Variants in GALNT18 observed in about 807,000 individuals in gnomAD.
GALNT18 encodes the protein GalNAc-transferase 18.
In GALNT18, 44 loss-of-function variants were observed where a neutral mutation model predicts 69.5. The observed-to-expected ratio is 0.63, with a 90% CI of 0.50 to 0.81. The LOEUF (loss-of-function observed/expected upper bound fraction) is 0.81, where lower values mean the gene tolerates loss of function less well. Among genes scored for constraint, GALNT18 ranks in the 40% least tolerant of loss-of-function variants. GALNT18 has a pLI of 0.00. For synonymous variants in GALNT18, 364 were observed against 318.2 expected, an observed-to-expected ratio of 1.14 and a Z score of -1.53; for missense variants, 715 against 810.0, an observed-to-expected ratio of 0.88 and a Z score of 1.42.
Position 11,616,356 on chromosome 11 carries a change from T to C in GALNT18, c.235+5003A>G, listed in dbSNP as rs2133972215. Reference sequence around the variant, plus strand: ...ATGACTTTGGTACAATAAGACACTGTTGGTGGCTGTAAAGAAAGCCTTTCC... The same window carrying C: ...ATGACTTTGGTACAATAAGACACTGCTGGTGGCTGTAAAGAAAGCCTTTCC... On this transcript the variant is annotated intron_variant, in intron 1 of 10. Coordinates refer to ENST00000227756, the MANE Select transcript of GALNT18 (RefSeq NM_198516.3). This position sits in a 1 kb window ranked among gnomAD's most constrained non-coding sequence, Gnocchi z 4.4. Among the ~76,000 whole-genome samples the C allele has an allele frequency of 6.6e-6, 1 of 152,322 alleles. No homozygotes were observed. Among genetic ancestry groups the C allele is most frequent in the African/African-American group, 2.4e-5 (1 of 41,584 alleles).
At chr11:11,370,601 A>C (rs939120871) in intron 6 of GALNT18, among the ~76,000 whole-genome samples, 3 of 148,806 alleles carry the variant, frequency 2.0e-5, no homozygotes, top group Admixed American at 6.6e-5. Flanking sequence ...AAAAAAAAAA[A>C]CCAGATATCA....
rs1304316664 is a variant in GALNT18 at position 11,413,512 on chromosome 11, A to C, written c.595+19109T>G. Reference sequence around the variant, plus strand: ...GGCCCCTTAACAACATTAGACTGCAATTTCAGGTTTATATAATTTGGTGCT... The same window carrying C: ...GGCCCCTTAACAACATTAGACTGCACTTTCAGGTTTATATAATTTGGTGCT... On this transcript the variant is annotated intron_variant, in intron 3 of 10. Coordinates refer to ENST00000227756, the MANE Select transcript of GALNT18 (RefSeq NM_198516.3). The surrounding 1 kb of genome is among the most constrained non-coding windows in gnomAD (Gnocchi z 4.7). Among the ~76,000 whole-genome samples, 3 of 152,128 alleles carry C rather than the reference A, an allele frequency of 2.0e-5. No individual in the cohort carries two copies. The East Asian group carries it at 5.8e-4, about 29-fold the overall frequency.
At chr11:11,504,329 G>C (rs903099416) in intron 1 of GALNT18, among the ~76,000 whole-genome samples, 3 of 152,114 alleles carry the variant, frequency 2.0e-5, no homozygotes, top group Non-Finnish European at 4.4e-5. Flanking sequence ...AGGTAATTCT[G>C]TCCCTCTGGA....
Position 11,594,936 on chromosome 11 carries a change from T to A in GALNT18, c.235+26423A>T, listed in dbSNP as rs186957073. Among the ~76,000 whole-genome samples, 31 of 147,984 alleles carry A rather than the reference T, an allele frequency of 2.1e-4. No homozygotes were observed. The East Asian group carries it at 5.9e-3, about 28-fold the overall frequency. ...ATATGCGTGTGTGTATATATATATATAATCTCCAAGAATGTATATGTGTAT... is the reference window on the plus strand; with the variant it reads ...ATATGCGTGTGTGTATATATATATAAAATCTCCAAGAATGTATATGTGTAT... On this transcript the variant is annotated intron_variant, in intron 1 of 10. Transcript: ENST00000227756.
rs891919004 is a variant in GALNT18 at position 11,598,336 on chromosome 11, G to A, written c.235+23023C>T. On this transcript the variant is annotated intron_variant, in intron 1 of 10. Transcript: ENST00000227756. This position sits in a 1 kb window ranked among gnomAD's most constrained non-coding sequence, Gnocchi z 4.8. ...CAGAAGTCCAAAATTAGTCTTACTCGAGGCAAAATCAAGGTGTCAGCAGGG... is the reference window on the plus strand; with the variant it reads ...CAGAAGTCCAAAATTAGTCTTACTCAAGGCAAAATCAAGGTGTCAGCAGGG... Among the ~76,000 whole-genome samples, 3 of 152,050 alleles carry A rather than the reference G, an allele frequency of 2.0e-5. No homozygotes were observed. The highest frequency in any genetic ancestry group is 2.9e-5 in the Non-Finnish European group (2 of 67,990).
chr11:11,531,319 G>A (rs1294515558), intron 1 of GALNT18, among the ~76,000 whole-genome samples: 1 of 152,284 alleles, frequency 6.6e-6, no homozygotes, highest in African/African-American at 2.4e-5. Context: ...GCAGACATGT[G>A]GGAGGGGCTT....
intron 9 of GALNT18, among the ~76,000 whole-genome samples, chr11:11,319,089 T>G (rs1456374166): frequency 1.5e-5 from 2 of 135,994 alleles, no homozygotes; most frequent in African/African-American, 6.4e-5. Flanking sequence ...ACTCAGTACT[T>G]GCTTAACCGT....
At chr11:11,279,030 G>T (rs1295196503) in intron 10 of GALNT18, among the ~76,000 whole-genome samples, 1 of 152,162 alleles carries the variant, frequency 6.6e-6, no homozygotes, top group Admixed American at 6.5e-5. Flanking sequence ...TGATCCCCAG[G>T]GTTGCAGGTG....
intron 10 of GALNT18, among the ~76,000 whole-genome samples, chr11:11,271,508 G>A (rs1848827556): frequency 6.7e-6 from 1 of 148,742 alleles, no homozygotes; most frequent in South Asian, 2.2e-4. Context: ...CAGAGCCCTA[G>A]TTCTTCACTA....
At chr11:11,485,853 G>A (rs1856632906) in intron 1 of GALNT18, among the ~76,000 whole-genome samples, 1 of 152,200 alleles carries the variant, frequency 6.6e-6, no homozygotes, top group African/African-American at 2.4e-5. Context: ...TGTGGTAAAG[G>A]GGCCAGCAGA....
intron 10 of GALNT18, among the ~76,000 whole-genome samples, chr11:11,281,563 A>C (rs72859263): frequency 6.6e-6 from 1 of 152,134 alleles, no homozygotes; most frequent in Non-Finnish European, 1.5e-5. Context: ...CTCTTGGAGA[A>C]ACACGTCCCG....
At chr11:11,441,865 A>G (rs939763777) in intron 2 of GALNT18, among the ~76,000 whole-genome samples, 5 of 152,200 alleles carry the variant, frequency 3.3e-5, no homozygotes, top group Non-Finnish European at 5.9e-5. Flanking sequence ...AATTATTGTT[A>G]TGAACTTTAG....
intron 1 of GALNT18, among the ~76,000 whole-genome samples, chr11:11,553,955 C>T (rs1263766795): frequency 5.3e-5 from 8 of 152,228 alleles, no homozygotes; most frequent in Non-Finnish European, 1.2e-4. Context: ...CTCTGCCTGC[C>T]TGATACTTCC....
chr11:11,377,482 G>T lies in GALNT18; in HGVS notation c.780-103C>A. On this transcript the variant is annotated intron_variant, in intron 4 of 10. Transcript: ENST00000227756. The surrounding 1 kb of genome is among the most constrained non-coding windows in gnomAD (Gnocchi z 4.6). ...CTTCCCCAGCAGAAAGAGGAAGGAAGGCCTGCCCATCTCCTCTGATGGAGA... is the reference window on the plus strand; with the variant it reads ...CTTCCCCAGCAGAAAGAGGAAGGAATGCCTGCCCATCTCCTCTGATGGAGA... 1 of 997,200 alleles carries T rather than the reference G, an allele frequency of 1.0e-6. No homozygotes were observed. The highest frequency in any genetic ancestry group is 1.5e-6 in the Non-Finnish European group (1 of 651,672). 61.8% of individuals were successfully genotyped at this position (997,200 alleles called of 1,614,324 possible). A position where few individuals can be genotyped will look rare whatever the true frequency, so the allele number is the denominator to read the frequency against.
chr11:11,582,465 G>A lies in GALNT18; in HGVS notation c.235+38894C>T, dbSNP rs1292131272. ...CAATGAGTGACTGTCTCACTTGCTT[G>A]GACCACTGGAATAGGAGCAGAAGTG... On this transcript the variant is annotated intron_variant, in intron 1 of 10. Coordinates refer to ENST00000227756, the MANE Select transcript of GALNT18 (RefSeq NM_198516.3). The surrounding 1 kb of genome is among the most constrained non-coding windows in gnomAD (Gnocchi z 5.0). 6.6e-6 allele frequency among the ~76,000 whole-genome samples: 1 copy of A among 152,204 alleles called. No homozygotes were observed. The highest frequency in any genetic ancestry group is 1.5e-5 in the Non-Finnish European group (1 of 68,040).
intron 1 of GALNT18, among the ~76,000 whole-genome samples, chr11:11,565,489 G>C (rs1257039028): frequency 6.6e-6 from 1 of 152,166 alleles, no homozygotes; most frequent in Admixed American, 6.5e-5. Context: ...AAGCATGAGG[G>C]TAAGTGCCCC....
rs1850197520 is a variant in GALNT18, at chr11:11,341,066, T to A, written c.1093-62A>T. 2.0e-6 allele frequency: 3 copies of A among 1,483,050 alleles called. No individual in the cohort carries two copies. The highest frequency in any genetic ancestry group is 2.7e-6 in the Non-Finnish European group (3 of 1,098,782). The allele number at this position is 1,483,050 out of a possible 1,614,324, so 91.9% of individuals were successfully genotyped here. ...TGGCTCTGCCTTTCTACACCAGGCC[T>A]CAGGCAGCCACTTGACATGAGCAGG... is the stretch of plus-strand genomic sequence containing the variant. On this transcript the variant is annotated intron_variant, in intron 6 of 10. Coordinates refer to ENST00000227756, the MANE Select transcript of GALNT18 (RefSeq NM_198516.3). This position sits in a 1 kb window ranked among gnomAD's most constrained non-coding sequence, Gnocchi z 6.3.
intron 10 of GALNT18, among the ~76,000 whole-genome samples, chr11:11,289,265 G>A (rs1262085336): frequency 6.6e-6 from 1 of 152,222 alleles, no homozygotes; most frequent in Non-Finnish European, 1.5e-5. Flanking sequence ...AATAGCAAGT[G>A]AGAGTGGCTG....
intron 1 of GALNT18, among the ~76,000 whole-genome samples, chr11:11,548,639 G>A (rs1858121878): frequency 6.6e-6 from 1 of 152,184 alleles, no homozygotes; most frequent in South Asian, 2.1e-4. Context: ...CATCAATAAT[G>A]ACTTTGCCCA....
Sources: gnomAD v4.1 joint callset for allele counts (sites outside exome capture counted in the v4.1 genomes callset) on GRCh38, gnomAD v4.1.1 for gene constraint, Gnocchi (gnomAD v3.1) non-coding constraint, MANE v1.5 for transcripts, NCBI Gene and HGNC (gene_info 2026-07-23, HGNC 2026-07-21) for gene names.